The following RASAL2 variants were observed in gnomAD, a reference collection of about 807,000 sequenced individuals.
The protein encoded by RASAL2 is RAS protein activator like 2, also known as ras GTPase-activating protein nGAP.
RASAL2 carries 58 observed loss-of-function variants against 128.9 expected under a neutral mutation model. That is an observed-to-expected ratio of 0.45 (90% CI 0.36 to 0.56). The LOEUF (loss-of-function observed/expected upper bound fraction) is 0.56, where lower values mean the gene tolerates loss of function less well. Among genes scored for constraint, RASAL2 ranks in the 20% least tolerant of loss-of-function variants. RASAL2 has a pLI of 0.00. For missense variants in RASAL2, 1,360 were observed against 1,601.6 expected (o/e 0.85, Z 2.57); for synonymous variants, 561 against 580.8 (o/e 0.97, Z 0.49).
At position 178,185,904 on chromosome 1, in the gene RASAL2, T is replaced by G. The variant is rs77716814; in HGVS notation, c.202+91210T>G. On this transcript the variant is annotated intron_variant, in intron 1 of 17. Transcript: ENST00000367649. ...TTAGGATAATGCTGGCTTCATAGATTGAATTAGGAGTGTTCCATCTACTTC... is the reference window on the plus strand; with the variant it reads ...TTAGGATAATGCTGGCTTCATAGATGGAATTAGGAGTGTTCCATCTACTTC... Among the ~76,000 whole-genome samples the G allele has an allele frequency of 5.5e-3, 845 of 152,282 alleles. 10 individuals carry two copies. Among genetic ancestry groups the G allele is most frequent in the African/African-American group, 0.019 (792 of 41,574 alleles).
At chr1:178,414,167 C>T (rs1019536049) in intron 4 of RASAL2, among the ~76,000 whole-genome samples, 12 of 152,256 alleles carry the variant, frequency 7.9e-5, no homozygotes, top group East Asian at 5.8e-4. Flanking sequence ...AAGTATTTAA[C>T]GTCCTGATAA....
chr1:178,094,284 C>A lies in RASAL2; in HGVS notation c.-209C>A. ...GCTGGATCCTCCTCCCGGCCTGGGT[C>A]CCGCCCGCCGACTGCAGGTGGGCTG... On this transcript the variant is annotated 5_prime_UTR_variant, in exon 1 of 18. Transcript: ENST00000367649. 1.8e-6 allele frequency: 1 copy of A among 547,608 alleles called. No homozygotes were observed. The highest frequency in any genetic ancestry group is 3.1e-6 in the Non-Finnish European group (1 of 318,146). The allele number at this position is 547,608 out of a possible 1,614,324, so 33.9% of individuals were successfully genotyped here. A position where few individuals can be genotyped will look rare whatever the true frequency, so the allele number is the denominator to read the frequency against.
At chr1:178,459,939 T>G (rs548621084) in intron 14 of RASAL2, among the ~76,000 whole-genome samples, 2 of 152,318 alleles carry the variant, frequency 1.3e-5, no homozygotes, top group East Asian at 3.9e-4. Flanking sequence ...TATATAAATG[T>G]GTATGTGTAT....
intron 1 of RASAL2, among the ~76,000 whole-genome samples, chr1:178,114,478 T>C (rs966100466): frequency 6.6e-6 from 1 of 152,174 alleles, no homozygotes; most frequent in South Asian, 2.1e-4. Context: ...CGTATGGTTT[T>C]TCTTTTTTGT....
chr1:178,317,485 A>G (rs1005640535), intron 3 of RASAL2, among the ~76,000 whole-genome samples: 1 of 149,996 alleles, frequency 6.7e-6, no homozygotes, highest in African/African-American at 2.5e-5. Flanking sequence ...TTATTGGTCT[A>G]TTCAGAGATT....
At chr1:178,102,083 G>A (rs1658921747) in intron 1 of RASAL2, among the ~76,000 whole-genome samples, 1 of 151,936 alleles carries the variant, frequency 6.6e-6, no homozygotes, top group Non-Finnish European at 1.5e-5. Flanking sequence ...GCTGTGATTG[G>A]AAGTGATGTC....
At chr1:178,331,185 A>T (rs1172825453) in intron 3 of RASAL2, among the ~76,000 whole-genome samples, 2 of 152,096 alleles carry the variant, frequency 1.3e-5, no homozygotes, top group African/African-American at 4.8e-5. Flanking sequence ...TTTATTTTTT[A>T]TTTTTGTTTT....
Position 178,292,822 on chromosome 1 carries a change from A to G in RASAL2, c.331-7170A>G, listed in dbSNP as rs548277629. On this transcript the variant is annotated intron_variant, in intron 2 of 17. Coordinates refer to ENST00000367649, the MANE Select transcript of RASAL2 (RefSeq NM_170692.4). ...TTATTTCTTTTGGCAATAACAGTCT[A>G]TTAGGCAGGGTCCATTTGACTCCAT... Among the ~76,000 whole-genome samples the G allele has an allele frequency of 7.4e-4, 113 of 152,322 alleles. 1 individual carries two copies. Among genetic ancestry groups the G allele is most frequent in the African/African-American group, 2.5e-3 (102 of 41,582 alleles).
intron 1 of RASAL2, among the ~76,000 whole-genome samples, chr1:178,183,706 A>G (rs1185488539): frequency 6.6e-6 from 1 of 152,124 alleles, no homozygotes; most frequent in Non-Finnish European, 1.5e-5. Context: ...TTATGTACCT[A>G]TTGAGGGACA....
At position 178,458,403 on chromosome 1, in the gene RASAL2, C is replaced by T. The variant is rs1677938069; in HGVS notation, c.3111C>T (p.Ser1037=). 1 of 1,614,118 alleles carries T rather than the reference C, an allele frequency of 6.2e-7. No individual in the cohort carries two copies. Among genetic ancestry groups the T allele is most frequent in the Non-Finnish European group, 8.5e-7 (1 of 1,180,054 alleles). ...PSLPHSASLR[S]TGSMSVVSAA... The stretch of plus-strand genomic sequence containing the variant: ...TGCCACACAGTGCTTCTTTACGTAG[C>T]ACCGGGAGCATGTCAGTGGTGTCCG... Residue 1037 remains serine, a synonymous_variant, in exon 14 of 18, where the codon AGC becomes AGT. Transcript: ENST00000367649.
At chr1:178,103,993 T>C (rs546798415) in intron 1 of RASAL2, among the ~76,000 whole-genome samples, 4 of 152,122 alleles carry the variant, frequency 2.6e-5, no homozygotes, top group Non-Finnish European at 5.9e-5. Context: ...CCATTCTTTT[T>C]TTTTCCCCCT....
At chr1:178,388,995 A>G (rs985677614) in intron 3 of RASAL2, among the ~76,000 whole-genome samples, 14 of 152,200 alleles carry the variant, frequency 9.2e-5, no homozygotes, top group African/African-American at 2.9e-4. Flanking sequence ...AGAGCAAGAC[A>G]CAGAGAGGGA....
intron 1 of RASAL2, among the ~76,000 whole-genome samples, chr1:178,124,437 C>T (rs563990440): frequency 3.8e-4 from 58 of 152,200 alleles, no homozygotes; most frequent in Non-Finnish European, 7.5e-4. Context: ...TCCCAAATAT[C>T]AAGGGTAAGT....
rs1024307270 is a variant in RASAL2 at position 178,185,199 on chromosome 1, G to A, written c.202+90505G>A. On this transcript the variant is annotated intron_variant, in intron 1 of 17. Transcript: ENST00000367649. ...CTTTTGCTTATTAACCTTGTATCCT[G>A]TGACCTTGCTATAACTGCTTTTTGG... Among the ~76,000 whole-genome samples the A allele has an allele frequency of 3.3e-5, 5 of 150,790 alleles. No individual in the cohort carries two copies. In the East Asian group the frequency reaches 5.8e-4, roughly 18 times the overall value.
At chr1:178,343,382 G>T (rs1669982894) in intron 3 of RASAL2, among the ~76,000 whole-genome samples, 1 of 152,180 alleles carries the variant, frequency 6.6e-6, no homozygotes, top group Non-Finnish European at 1.5e-5. Context: ...TAAGAGGACT[G>T]ATGGCTGTGA....
intron 4 of RASAL2, among the ~76,000 whole-genome samples, chr1:178,418,393 C>A (rs1235878634): frequency 6.6e-6 from 1 of 151,962 alleles, no homozygotes; most frequent in East Asian, 1.9e-4. Flanking sequence ...TCATAAAGAC[C>A]TTCATCCTCA....
chr1:178,440,878 T>A (rs182259855), intron 6 of RASAL2, among the ~76,000 whole-genome samples: 14 of 152,270 alleles, frequency 9.2e-5, no homozygotes, highest in Non-Finnish European at 8.8e-5. Context: ...AGCACCCTTC[T>A]ATAATATAGT....
At chr1:178,117,881 T>C (rs1659571702) in intron 1 of RASAL2, among the ~76,000 whole-genome samples, 1 of 152,198 alleles carries the variant, frequency 6.6e-6, no homozygotes, top group African/African-American at 2.4e-5. Flanking sequence ...AATAATATTC[T>C]TGGCCAGGCG....
chr1:178,464,747 T>G (rs971253121), intron 15 of RASAL2, among the ~76,000 whole-genome samples: 6 of 151,712 alleles, frequency 4.0e-5, no homozygotes, highest in Non-Finnish European at 7.4e-5. Flanking sequence ...TTCCATAAAC[T>G]TGTTGGTCTT....
Sources: allele counts gnomAD v4.1 joint callset (sites outside exome capture counted in the v4.1 genomes callset), GRCh38; gene constraint gnomAD v4.1.1; transcripts MANE v1.5; gene names NCBI Gene and HGNC (gene_info 2026-07-23, HGNC 2026-07-21).